The following OBSL1 variants were observed in gnomAD, a reference collection of about 807,000 sequenced individuals.
The protein encoded by OBSL1 is obscurin-like protein 1.
A neutral mutation model predicts 172.0 loss-of-function variants in OBSL1; 160 were observed. The ratio of observed to expected loss-of-function variants is 0.93; its 90% CI spans 0.82 to 1.06. The LOEUF is 1.06. Among genes scored for constraint, OBSL1 ranks in the 50% least tolerant of loss-of-function variants. OBSL1 has a pLI of 0.00. For missense variants in OBSL1, 2,681 were observed against 2,715.4 expected (o/e 0.99, Z 0.28); for synonymous variants, 1,200 against 1,196.3 (o/e 1.00, Z -0.06).
chr2:219,562,351 C>T, intron 8 of OBSL1, 51 bp downstream of exon 8: 1 of 1,588,258 alleles, frequency 6.3e-7, no homozygotes, highest in Non-Finnish European at 8.6e-7. Context: ...CCAGCTCCTC[C>T]AGGGCTCAGG....
At position 219,553,557 on chromosome 2, in the gene OBSL1, T is replaced by C; in HGVS notation, c.4989+17A>G. ...GGTGTTACACTGAAGTGGGCTTGGC[T>C]GGGGCTGGGATCTGACCTTCTCCCA... On this transcript the variant is annotated intron_variant, in intron 16 of 20. Coordinates refer to ENST00000404537, the MANE Select transcript of OBSL1 (RefSeq NM_015311.3). 1 of 1,593,034 alleles carries C rather than the reference T, an allele frequency of 6.3e-7. No homozygotes were observed. The highest frequency in any genetic ancestry group is 8.6e-7 in the Non-Finnish European group (1 of 1,162,082).
intron 8 of OBSL1, 158 bp from the exon 9 acceptor site, chr2:219,559,655 C>G: frequency 1.5e-6 from 1 of 669,978 alleles, no homozygotes; most frequent in Non-Finnish European, 2.5e-6. Context: ...TCTGAAATCC[C>G]TGGGGCCAGA....
Position 219,557,559 on chromosome 2 carries a change from C to T in OBSL1, c.3850G>A (p.Gly1284Ser), listed in dbSNP as rs74589174. The part of the protein sequence containing the change: ...AAQTRVRSTP[G>S]GDLELVVHLS... Reference sequence around the variant, plus strand: ...TGCACCACCAGCTCTAGGTCCCCGCCTGGGGTGCTCCGAACCCTCGTCTGG... The same window carrying T: ...TGCACCACCAGCTCTAGGTCCCCGCTTGGGGTGCTCCGAACCCTCGTCTGG... Residue 1284 changes from glycine to serine, a missense_variant, in exon 12 of 21, where the codon GGC becomes AGC. Physicochemically the swap from Gly to Ser is moderately conservative, Grantham distance 56. Transcript: ENST00000404537. 1,122 of 1,551,836 alleles carry T rather than the reference C, an allele frequency of 7.2e-4. 18 individuals carry two copies. In the East Asian group the frequency reaches 0.024, roughly 33 times the overall value.
At position 219,565,447 on chromosome 2, in the gene OBSL1, C is replaced by G. The variant is rs762251779; in HGVS notation, c.2202G>C (p.Val734=). Residue 734 remains valine (V), a synonymous_variant, in exon 6 of 21, where the codon GTG becomes GTC. Coordinates refer to ENST00000404537, the MANE Select transcript of OBSL1 (RefSeq NM_015311.3). The stretch of plus-strand genomic sequence containing the variant: ...CCCTTGAGAGCTCACAAGTCAGCAC[C>G]ACCCGCTCTGAGGTTGTGAAGGTCA... The part of the protein sequence containing the change: ...VSLTFTTSER[V]VLTCELSRVD... 12 of 1,613,524 alleles carry G rather than the reference C, an allele frequency of 7.4e-6. 1 individual carries two copies. The South Asian group carries it at 1.1e-4, about 15-fold the overall frequency.
In OBSL1 at chr2:219,556,806, C is replaced by T. The variant is rs1162183655; in HGVS notation, c.4067-83G>A. The T allele has an allele frequency of 1.1e-5, 16 of 1,409,690 alleles. No individual in the cohort carries two copies. The Admixed American group carries it at 1.5e-4, about 13-fold the overall frequency. The allele number at this position is 1,409,690 out of a possible 1,614,324, so 87.3% of individuals were successfully genotyped here. On this transcript the variant is annotated intron_variant, in intron 12 of 20. Coordinates refer to ENST00000404537, the MANE Select transcript of OBSL1 (RefSeq NM_015311.3). ...ATCCCCTCCTCAGGATGCAGGCCCT[C>T]GTCCCCAGTCATTTAACAGACCTTC...
At position 219,552,704 on chromosome 2, in the gene OBSL1, C is replaced by A. The variant is rs1258207372; in HGVS notation, c.5147-7G>T. On this transcript the variant is annotated splice_region_variant and splice_polypyrimidine_tract_variant and intron_variant, in intron 17 of 20. Transcript: ENST00000404537. Reference sequence around the variant, plus strand: ...AGTACCGCCACAGTACGCTCTGGGGCGGAGCCCGGGGCGTGAGCGGGGCGG... The same window carrying A: ...AGTACCGCCACAGTACGCTCTGGGGAGGAGCCCGGGGCGTGAGCGGGGCGG... 1 of 1,518,714 alleles carries A rather than the reference C, an allele frequency of 6.6e-7. No homozygotes were observed. The highest frequency in any genetic ancestry group is 8.8e-7 in the Non-Finnish European group (1 of 1,132,580). The allele number at this position is 1,518,714 out of a possible 1,614,324, so 94.1% of individuals were successfully genotyped here.
chr2:219,564,005 G>A (rs1363896796), intron 6 of OBSL1, among the ~76,000 whole-genome samples: 5 of 152,188 alleles, frequency 3.3e-5, no homozygotes, highest in African/African-American at 1.2e-4. Flanking sequence ...CCCCAGGGTG[G>A]GCAGGAGGTG....
chr2:219,555,624 C>T, intron 14 of OBSL1: 1 of 1,025,506 alleles, frequency 9.8e-7, no homozygotes, highest in Non-Finnish European at 1.2e-6. Flanking sequence ...GGTTAACTTG[C>T]ATGAGGTCAC....
intron 15 of OBSL1, 25 bp from the exon 16 acceptor site, chr2:219,553,711 T>C (rs1282832661): frequency 6.4e-7 from 1 of 1,555,834 alleles, no homozygotes; most frequent in South Asian, 1.1e-5. Context: ...GGGAGGACAG[T>C]GCAGAGGGAG....
Position 219,563,403 on chromosome 2 carries a change from G to A in OBSL1, c.2632C>T (p.Gln878Ter). 1 of 1,608,072 alleles carries A rather than the reference G, an allele frequency of 6.2e-7. No homozygotes were observed. The highest frequency in any genetic ancestry group is 8.5e-7 in the Non-Finnish European group (1 of 1,176,058). The stretch of plus-strand genomic sequence containing the variant: ...GCACACTCATCTCCAGCGACGCACT[G>A]AAACTCGCCCCCGTCTGAGGGCTGG... ...ATQPSDGGEF[Q>*]CVAGDECAYF... Residue 878 changes from glutamine (Q) to a stop codon, truncating the protein, a stop_gained, in exon 7 of 21, where the codon CAG (glutamine) becomes TAG (stop). Transcript: ENST00000404537. LOFTEE classifies it high-confidence loss of function.
intron 20 of OBSL1, 38 bp downstream of exon 20, chr2:219,551,491 C>T (rs1395604102): frequency 6.5e-7 from 1 of 1,538,870 alleles, no homozygotes; most frequent in Non-Finnish European, 8.8e-7. Context: ...TCCCAGGCGC[C>T]CTCACCCTCC....
chr2:219,554,504 G>A lies in OBSL1; in HGVS notation c.4846C>T (p.Leu1616=), dbSNP rs369480411. 9 of 1,613,200 alleles carry A rather than the reference G, an allele frequency of 5.6e-6. No individual in the cohort carries two copies. Among genetic ancestry groups the A allele is most frequent in the Non-Finnish European group, 7.6e-6 (9 of 1,179,902 alleles). Residue 1616 remains leucine, a synonymous_variant, in exon 15 of 21, where the codon CTG becomes TTG. Coordinates refer to ENST00000404537, the MANE Select transcript of OBSL1 (RefSeq NM_015311.3). ...SGCVSFTADS[L]RCAARLIVRE... ...ACAATGAGTCTGGCTGCGCAGCGCA[G>A]GGAATCCGCTGTGAAGGAGACACAG...
At chr2:219,552,376 AC>A in intron 18 of OBSL1, 159 bp downstream of exon 18, 1 of 859,844 alleles carries the variant, frequency 1.2e-6, no homozygotes, top group Non-Finnish European at 1.8e-6. Context: ...GAGGTCCGGG[AC>A]TAGGGGCTGG....
Position 219,570,507 on chromosome 2 carries a change from C to G in OBSL1, c.726G>C (p.Ala242=). The G allele has an allele frequency of 6.2e-7, 1 of 1,611,206 alleles. No individual in the cohort carries two copies. Among genetic ancestry groups the G allele is most frequent in the Non-Finnish European group, 8.5e-7 (1 of 1,179,028 alleles). The part of the protein sequence containing the change: ...SPPADPDEAP[A]PVVEPLKCAP... Reference sequence around the variant, plus strand: ...CGCACTTGAGCGGCTCCACCACCGGCGCGGGGGCCTCGTCGGGGTCCGCGG... The same window carrying G: ...CGCACTTGAGCGGCTCCACCACCGGGGCGGGGGCCTCGTCGGGGTCCGCGG... The change falls in exon 1 of 21, where the codon GCG becomes GCC. Residue 242 remains alanine (A), a synonymous_variant. Coordinates refer to ENST00000404537, the MANE Select transcript of OBSL1 (RefSeq NM_015311.3).
At chr2:219,547,904 G>A (rs750371222), downstream of OBSL1, 2 of 1,596,558 alleles carry the variant, frequency 1.3e-6, no homozygotes, top group South Asian at 2.2e-5. Flanking sequence ...CACTGCCGCT[G>A]ACTACTTCGC....
intron 8 of OBSL1, chr2:219,561,877 G>T (rs1574553079): frequency 5.6e-6 from 4 of 717,414 alleles, no homozygotes; most frequent in African/African-American, 3.5e-5. Flanking sequence ...AACTATGGGG[G>T]CAGCTGCTAC....
intron 15 of OBSL1, 120 bp from the exon 16 acceptor site, chr2:219,553,806 G>A (rs912853854): frequency 6.8e-5 from 37 of 542,710 alleles, no homozygotes; most frequent in African/African-American, 4.0e-4. Context: ...AGTGGGGTTC[G>A]AGCTGGGACA....
At chr2:219,557,305 G>C in intron 12 of OBSL1, 38 bp downstream of exon 12, 1 of 1,437,322 alleles carries the variant, frequency 7.0e-7, no homozygotes, top group Non-Finnish European at 9.1e-7. Context: ...GGTCCTTGGG[G>C]TGCCACAGCC....
chr2:219,561,271 G>T (rs1412922253), intron 8 of OBSL1, among the ~76,000 whole-genome samples: 2 of 152,114 alleles, frequency 1.3e-5, no homozygotes, highest in Admixed American at 6.5e-5. Flanking sequence ...GGGGTTCTGT[G>T]CCCCCCAGAG....
Sources: allele counts gnomAD v4.1 joint callset (sites outside exome capture counted in the v4.1 genomes callset), GRCh38; gene constraint gnomAD v4.1.1; transcripts MANE v1.5; gene names NCBI Gene and HGNC (gene_info 2026-07-23, HGNC 2026-07-21).